ADGRA2: variants seen among roughly 807,000 people sequenced by gnomAD.
ADGRA2 encodes the protein G-protein coupled receptor 124.
ADGRA2 carries 61 observed loss-of-function variants against 98.7 expected under a neutral mutation model. The observed-to-expected ratio is 0.62, with a 90% CI of 0.50 to 0.76. The LOEUF is 0.76. Ranked by LOEUF, ADGRA2 falls within the 30% of genes least tolerant of loss-of-function variation. The pLI is 0.00. For missense variants in ADGRA2, 1,712 were observed against 1,860.0 expected (o/e 0.92, Z 1.46); for synonymous variants, 858 against 831.5 (o/e 1.03, Z -0.55).
At chr8:37,808,974 G>A (rs1804751584) in intron 1 of ADGRA2, among the ~76,000 whole-genome samples, 1 of 151,982 alleles carries the variant, frequency 6.6e-6, no homozygotes, top group Non-Finnish European at 1.5e-5. Flanking sequence ...ACAGGTGCGT[G>A]CCACCACACC....
intron 17 of ADGRA2, 28 bp downstream of exon 17, chr8:37,840,294 A>G (rs1585409106): frequency 1.9e-6 from 3 of 1,607,918 alleles, no homozygotes; most frequent in South Asian, 1.1e-5. Context: ...CAGCTTTGCA[A>G]TTGGGGAGGG....
Position 37,811,501 on chromosome 8 carries a change from A to G in ADGRA2, c.267-3395A>G, listed in dbSNP as rs1378977089. On this transcript the variant is annotated intron_variant, in intron 1 of 18. Coordinates refer to ENST00000412232, the MANE Select transcript of ADGRA2 (RefSeq NM_032777.10). ...TTTTTTTTTTTTTTTTTGGCAACAG[A>G]GTTTTTCTCTTGTTGCCCAGGCTGG... 3.2e-5 allele frequency among the ~76,000 whole-genome samples: 4 copies of G among 123,424 alleles called. No homozygotes were observed. In the Admixed American group the frequency reaches 3.6e-4, roughly 11 times the overall value. 81.0% of individuals were successfully genotyped at this position (123,424 alleles called of 152,430 possible). A position where few individuals can be genotyped will look rare whatever the true frequency, so the allele number is the denominator to read the frequency against.
chr8:37,818,563 A>C (rs1046913195), intron 2 of ADGRA2, among the ~76,000 whole-genome samples: 1 of 152,178 alleles, frequency 6.6e-6, no homozygotes, highest in African/African-American at 2.4e-5. Context: ...CTAGAGTGGG[A>C]ATTCTAAACG....
Position 37,835,643 on chromosome 8 carries a change from C to T in ADGRA2, c.1923C>T (p.Cys641=). Residue 641 remains cysteine, a synonymous_variant, in exon 13 of 19, where the codon TGC becomes TGT. Transcript: ENST00000412232. ...TGGCTCCCCCGGTGCCCCCAGACTG[C>T]ACCCTGCAACTGCTCGTCTTCCGAA... ...AALAPPVPPD[C]TLQLLVFRNG... 1.2e-6 allele frequency: 2 copies of T among 1,613,476 alleles called. No homozygotes were observed. Among genetic ancestry groups the T allele is most frequent in the South Asian group, 1.1e-5 (1 of 91,072 alleles).
Position 37,831,536 on chromosome 8 carries a change from C to T in ADGRA2, c.1046C>T (p.Ser349Phe), listed in dbSNP as rs376974362. 2.2e-5 allele frequency: 35 copies of T among 1,613,760 alleles called. No homozygotes were observed. The highest frequency in any genetic ancestry group is 2.7e-5 in the Non-Finnish European group (32 of 1,180,046). The change falls in exon 8 of 19, where the codon TCT becomes TTT. Residue 349 changes from serine (S) to phenylalanine (F), a missense_variant. By Grantham distance (155) the Ser-to-Phe change is radical (BLOSUM62 -2). Transcript: ENST00000412232. ...KKVEIVVLET[S>F]ASYCPAERVA... Reference sequence around the variant, plus strand: ...GTGGAGATCGTGGTGCTGGAGACCTCTGCCTCCTACTGCCCCGCCGAGCGT... The same window carrying T: ...GTGGAGATCGTGGTGCTGGAGACCTTTGCCTCCTACTGCCCCGCCGAGCGT...
At chr8:37,801,178 G>A (rs1452721747) in intron 1 of ADGRA2, among the ~76,000 whole-genome samples, 1 of 152,322 alleles carries the variant, frequency 6.6e-6, no homozygotes, top group East Asian at 1.9e-4. Context: ...TCTGCCTTCT[G>A]TTTTTGCATC....
chr8:37,815,285 G>C (rs6468441), intron 2 of ADGRA2, among the ~76,000 whole-genome samples: 19,939 of 152,274 alleles, frequency 0.13, 2,287 homozygotes, highest in African/African-American at 0.3. Context: ...CCTCCCCCTC[G>C]CAGCTGGGGG....
chr8:37,835,329 T>C lies in ADGRA2; in HGVS notation c.1764T>C (p.Ala588=). The part of the protein sequence containing the change: ...QNPPPEPEPP[A]DQQLRFRCTT... Reference sequence around the variant, plus strand: ...CCCCACCTGAGCCCGAGCCCCCAGCTGACCAGCAGCTCCGCTTCCGCTGCA... The same window carrying C: ...CCCCACCTGAGCCCGAGCCCCCAGCCGACCAGCAGCTCCGCTTCCGCTGCA... Residue 588 remains alanine, a synonymous_variant, in exon 12 of 19, where the codon GCT becomes GCC. Coordinates refer to ENST00000412232, the MANE Select transcript of ADGRA2 (RefSeq NM_032777.10). The C allele has an allele frequency of 6.2e-7, 1 of 1,613,578 alleles. No homozygotes were observed. Among genetic ancestry groups the C allele is most frequent in the Non-Finnish European group, 8.5e-7 (1 of 1,179,966 alleles).
At chr8:37,833,300 G>C (rs755452659) in intron 9 of ADGRA2, 92 bp downstream of exon 9, 1 of 1,016,726 alleles carries the variant, frequency 9.8e-7, no homozygotes, top group Non-Finnish European at 1.4e-6. Context: ...CCCTATCTCC[G>C]GGCCGCTGGG....
intron 2 of ADGRA2, among the ~76,000 whole-genome samples, chr8:37,821,985 C>G (rs575741433): frequency 5.9e-5 from 9 of 152,222 alleles, no homozygotes; most frequent in African/African-American, 2.2e-4. Flanking sequence ...GGAGGAATGC[C>G]GCAGACAAGC....
Position 37,821,022 on chromosome 8 carries a change from G to A in ADGRA2, c.338+6055G>A, listed in dbSNP as rs28477432. On this transcript the variant is annotated intron_variant, in intron 2 of 18. Coordinates refer to ENST00000412232, the MANE Select transcript of ADGRA2 (RefSeq NM_032777.10). ...GCCCTGCAGAAACACCTCCTGGGCCGCCCAGGGAGTGTACAGAAGACCCAC... is the reference window on the plus strand; with the variant it reads ...GCCCTGCAGAAACACCTCCTGGGCCACCCAGGGAGTGTACAGAAGACCCAC... Among the ~76,000 whole-genome samples the A allele has an allele frequency of 4.6e-3, 703 of 152,208 alleles. 4 individuals carry two copies. Among genetic ancestry groups the A allele is most frequent in the African/African-American group, 0.015 (638 of 41,540 alleles).
Position 37,837,229 on chromosome 8 carries a change from C to T in ADGRA2, c.2051-502C>T, listed in dbSNP as rs1004083677. Reference sequence around the variant, plus strand: ...CTGAGGAAGGTGAAAGCCCTGTGTCCGCAACCGCGTGGGCTGTGGGAGTGT... The same window carrying T: ...CTGAGGAAGGTGAAAGCCCTGTGTCTGCAACCGCGTGGGCTGTGGGAGTGT... On this transcript the variant is annotated intron_variant, in intron 13 of 18. Coordinates refer to ENST00000412232, the MANE Select transcript of ADGRA2 (RefSeq NM_032777.10). 6.6e-5 allele frequency among the ~76,000 whole-genome samples: 10 copies of T among 152,310 alleles called. No individual in the cohort carries two copies. In the East Asian group the frequency reaches 1.9e-3, roughly 29 times the overall value.
chr8:37,815,051 C>T (rs1585976041), intron 2 of ADGRA2, 84 bp downstream of exon 2: 4 of 953,032 alleles, frequency 4.2e-6, no homozygotes, highest in East Asian at 2.4e-5. Context: ...GAACGCTGGT[C>T]GCTGAGTGAC....
chr8:37,806,850 T>C (rs932171918), intron 1 of ADGRA2, among the ~76,000 whole-genome samples: 2 of 152,132 alleles, frequency 1.3e-5, no homozygotes, highest in Admixed American at 6.6e-5. Flanking sequence ...TTTCTTAGGC[T>C]TCTGTCTCCA....
chr8:37,842,304 C>T lies in ADGRA2; in HGVS notation c.3966C>T (p.Ala1322=), dbSNP rs1234860348. 1 of 1,548,124 alleles carries T rather than the reference C, an allele frequency of 6.5e-7. No individual in the cohort carries two copies. Among genetic ancestry groups the T allele is most frequent in the South Asian group, 1.2e-5 (1 of 82,700 alleles). The change falls in exon 19 of 19, where the codon GCC becomes GCT. Residue 1322 remains alanine, a synonymous_variant. Coordinates refer to ENST00000412232, the MANE Select transcript of ADGRA2 (RefSeq NM_032777.10). Reference sequence around the variant, plus strand: ...TCACCCTGATGGGCGCGGAGGTAGCCAGCGGCGGCTGCATGAAGACCGGAC... The same window carrying T: ...TCACCCTGATGGGCGCGGAGGTAGCTAGCGGCGGCTGCATGAAGACCGGAC... ...DDVTLMGAEV[A]SGGCMKTGLW...
At chr8:37,840,915 C>T in intron 18 of ADGRA2, 66 bp downstream of exon 18, 1 of 1,012,272 alleles carries the variant, frequency 9.9e-7, no homozygotes, top group Non-Finnish European at 1.5e-6. Context: ...ACTCCACTGG[C>T]AGGGCCATCT....
At chr8:37,800,029 C>T (rs545292619) in intron 1 of ADGRA2, among the ~76,000 whole-genome samples, 1 of 152,198 alleles carries the variant, frequency 6.6e-6, no homozygotes, top group African/African-American at 2.4e-5. Context: ...CCAGCACCCC[C>T]ACACCCACCC....
rs556503045 is a variant in ADGRA2 at position 37,823,037 on chromosome 8, G to A, written c.339-5851G>A. On this transcript the variant is annotated intron_variant, in intron 2 of 18. Transcript: ENST00000412232. ...CTCCTGAGTACCTGGGATTACAGGCGCGCACTACCACACCCGGCTAATTTT... is the reference window on the plus strand; with the variant it reads ...CTCCTGAGTACCTGGGATTACAGGCACGCACTACCACACCCGGCTAATTTT... Among the ~76,000 whole-genome samples the A allele has an allele frequency of 4.3e-3, 648 of 151,340 alleles. 10 individuals are homozygous for A. The highest frequency in any genetic ancestry group is 0.015 in the African/African-American group (601 of 41,168).
chr8:37,822,509 A>G (rs969286506), intron 2 of ADGRA2, among the ~76,000 whole-genome samples: 6 of 152,110 alleles, frequency 3.9e-5, no homozygotes, highest in African/African-American at 7.2e-5. Context: ...GTGCAATCCA[A>G]TGGTTTCTAG....
Sources: allele counts gnomAD v4.1 joint callset (sites outside exome capture counted in the v4.1 genomes callset), GRCh38; gene constraint gnomAD v4.1.1; transcripts MANE v1.5; gene names NCBI Gene and HGNC (gene_info 2026-07-23, HGNC 2026-07-21).